UROC1: variants seen among roughly 807,000 people sequenced by gnomAD.
UROC1 encodes urocanate hydratase.
UROC1 carries 79 observed loss-of-function variants against 89.5 expected under a neutral mutation model. That is an observed-to-expected ratio of 0.88 (90% confidence interval 0.74 to 1.06). The LOEUF is 1.06. Ranked by LOEUF, UROC1 falls within the 50% of genes least tolerant of loss-of-function variation. The pLI is 0.00. For missense variants in UROC1, 885 were observed against 907.8 expected, an observed-to-expected ratio of 0.97 and a Z score of 0.32; for synonymous variants, 361 against 354.8, an observed-to-expected ratio of 1.02 and a Z score of -0.20.
intron 9 of UROC1, among the ~76,000 whole-genome samples, chr3:126,503,502 C>T (rs971787743): frequency 6.6e-6 from 1 of 152,234 alleles, no homozygotes; most frequent in Non-Finnish European, 1.5e-5. Context: ...GACTGCCCCT[C>T]AGCACCGTGG....
chr3:126,510,858 G>T lies in UROC1; in HGVS notation c.127-64C>A, dbSNP rs1017211056. The T allele has an allele frequency of 3.2e-6, 5 of 1,585,022 alleles. No homozygotes were observed. In the African/African-American group the frequency reaches 4.0e-5, roughly 13 times the overall value. ...TCCAGGCCCGGTGTTCTGAGGCCCCGCGATGGGCCATCCTCCTCCCAAATG... is the reference window on the plus strand; with the variant it reads ...TCCAGGCCCGGTGTTCTGAGGCCCCTCGATGGGCCATCCTCCTCCCAAATG... On this transcript the variant is annotated intron_variant, in intron 1 of 19. Transcript: ENST00000290868.
intron 14 of UROC1, among the ~76,000 whole-genome samples, 177 bp downstream of exon 14, chr3:126,497,874 A>G (rs1560120279): frequency 6.6e-6 from 1 of 152,162 alleles, no homozygotes; most frequent in African/African-American, 2.4e-5. Flanking sequence ...AACTCACTCA[A>G]GTTTCTTTAA....
intron 12 of UROC1, 40 bp from the exon 13 acceptor site, chr3:126,499,449 C>T (rs755748012): frequency 1.9e-6 from 3 of 1,578,820 alleles, no homozygotes; most frequent in South Asian, 1.1e-5. Context: ...CAAGGCAGGA[C>T]ACCCATGGCC....
At chr3:126,505,627 CGGGAGGAAGAA>C in intron 8 of UROC1, 63 bp downstream of exon 8, 1 of 1,498,738 alleles carries the variant, frequency 6.7e-7, no homozygotes, top group Non-Finnish European at 8.9e-7. Flanking sequence ...GTAAGTGATC[CGGGAGGAAGAA>C]GGGAGGGAGG....
intron 13 of UROC1, among the ~76,000 whole-genome samples, chr3:126,498,451 A>G (rs1302203578): frequency 6.6e-6 from 1 of 152,174 alleles, no homozygotes; most frequent in African/African-American, 2.4e-5. Flanking sequence ...GCTGTTACAG[A>G]TGACAAGAAA....
chr3:126,505,649 G>C (rs1560125063), intron 8 of UROC1, 52 bp downstream of exon 8: 1 of 1,598,452 alleles, frequency 6.3e-7, no homozygotes, highest in East Asian at 2.3e-5. Context: ...GGGAGGGAGG[G>C]AGGGAGGGAG....
Position 126,483,575 on chromosome 3 carries a change from G to A in UROC1, c.1791-107C>T, listed in dbSNP as rs1356200898. 7.5e-6 allele frequency: 8 copies of A among 1,071,602 alleles called. No individual in the cohort carries two copies. The South Asian group carries it at 8.6e-5, about 11-fold the overall frequency. 66.4% of individuals were successfully genotyped at this position (1,071,602 alleles called of 1,614,324 possible). ...ATTGGCTTGAGACGGCGTCAGGGTT[G>A]GGGCCGCCACACCGCCAGCCTCTGC... On this transcript the variant is annotated intron_variant, in intron 18 of 19. Transcript: ENST00000290868.
intron 4 of UROC1, 82 bp downstream of exon 4, chr3:126,508,334 G>T: frequency 6.8e-7 from 1 of 1,471,918 alleles, no homozygotes; most frequent in Non-Finnish European, 9.5e-7. Context: ...ATCCTGAGCT[G>T]TGGGTTTGTA....
chr3:126,504,185 T>C (rs1936003644), intron 8 of UROC1, 102 bp from the exon 9 acceptor site: 1 of 1,193,182 alleles, frequency 8.4e-7, no homozygotes, highest in Non-Finnish European at 1.2e-6. Flanking sequence ...CCCCTGTAGG[T>C]CCCTTGCTTT....
At chr3:126,484,718 C>T (rs1935472665) in intron 18 of UROC1, among the ~76,000 whole-genome samples, 1 of 152,194 alleles carries the variant, frequency 6.6e-6, no homozygotes, top group Non-Finnish European at 1.5e-5. Context: ...TGCTGCCTAC[C>T]ACCCTGCACT....
chr3:126,492,679 C>A (rs973656743), intron 15 of UROC1, among the ~76,000 whole-genome samples, 163 bp from the exon 16 acceptor site: 2 of 152,174 alleles, frequency 1.3e-5, no homozygotes, highest in African/African-American at 4.8e-5. Flanking sequence ...TGGTAGCTCT[C>A]AAATCTGTGG....
chr3:126,511,373 T>C (rs1457303801), intron 1 of UROC1, among the ~76,000 whole-genome samples: 1 of 152,184 alleles, frequency 6.6e-6, no homozygotes, highest in Non-Finnish European at 1.5e-5. Context: ...TTCTAACTCC[T>C]TTCATTTCAC....
At chr3:126,494,383 CT>C (rs1026431902) in intron 15 of UROC1, among the ~76,000 whole-genome samples, 1 of 152,196 alleles carries the variant, frequency 6.6e-6, no homozygotes, top group African/African-American at 2.4e-5. Context: ...GCTATCCCCC[CT>C]CTCTTCTCCA....
At chr3:126,487,009 T>A (rs1230805076) in intron 18 of UROC1, among the ~76,000 whole-genome samples, 1 of 152,232 alleles carries the variant, frequency 6.6e-6, no homozygotes, top group Non-Finnish European at 1.5e-5. Flanking sequence ...TGTGTCCCTG[T>A]CCACAGAGTC....
intron 4 of UROC1, 85 bp downstream of exon 4, chr3:126,508,331 G>T: frequency 2.1e-6 from 3 of 1,457,776 alleles, no homozygotes; most frequent in Non-Finnish European, 2.9e-6. Flanking sequence ...TGCATCCTGA[G>T]CTGTGGGTTT....
intron 3 of UROC1, among the ~76,000 whole-genome samples, chr3:126,508,999 C>T (rs1936132503): frequency 6.6e-6 from 1 of 152,158 alleles, no homozygotes; most frequent in African/African-American, 2.4e-5. Flanking sequence ...AGATACACCC[C>T]TGATTTCAAA....
rs1178473698 is a variant in UROC1, at chr3:126,489,322, G to T, written c.1662C>A (p.Pro554=). The T allele has an allele frequency of 6.2e-7, 1 of 1,613,644 alleles. No individual in the cohort carries two copies. The highest frequency in any genetic ancestry group is 8.5e-7 in the Non-Finnish European group (1 of 1,180,040). The stretch of plus-strand genomic sequence containing the variant: ...CGTAAATGTTGGAGGTCTCCCTAAA[G>T]GGGCTGTCGGTGCCGCTCACGTCAT... ...DHHDVSGTDS[P]FRETSNIYDG... Residue 554 remains proline, a synonymous_variant, in exon 17 of 20, where the codon CCC becomes CCA. Coordinates refer to ENST00000290868, the MANE Select transcript of UROC1 (RefSeq NM_144639.3).
intron 8 of UROC1, 87 bp downstream of exon 8, chr3:126,505,614 G>GGTGTA: frequency 6.4e-7 from 1 of 1,551,512 alleles, no homozygotes; most frequent in African/African-American, 1.4e-5. Context: ...GGGGGTCTGT[G>GGTGTA]GTGTAAGTGA....
At chr3:126,504,238 C>T (rs991627812) in intron 8 of UROC1, among the ~76,000 whole-genome samples, 155 bp from the exon 9 acceptor site, 1 of 152,174 alleles carries the variant, frequency 6.6e-6, no homozygotes, top group African/African-American at 2.4e-5. Context: ...GCTGCCCTCC[C>T]TCTATTTATT....
Sources: gnomAD v4.1 joint callset for allele counts (sites outside exome capture counted in the v4.1 genomes callset) on GRCh38, gnomAD v4.1.1 for gene constraint, MANE v1.5 for transcripts, NCBI Gene and HGNC (gene_info 2026-07-23, HGNC 2026-07-21) for gene names.